Variants in TIAM1 observed in about 807,000 individuals in gnomAD.
TIAM1 encodes TIAM Rac1 associated GEF 1, also known as rho guanine nucleotide exchange factor TIAM1.
A neutral mutation model predicts 163.5 loss-of-function variants in TIAM1; 65 were observed. The observed-to-expected ratio is 0.40, with a 90% CI of 0.33 to 0.49. The LOEUF (loss-of-function observed/expected upper bound fraction) is 0.49, where lower values mean the gene tolerates loss of function less well. Ranked by LOEUF, TIAM1 falls within the 20% of genes least tolerant of loss-of-function variation. TIAM1 has a pLI of 0.77. For missense variants in TIAM1, 1,789 were observed against 2,044.7 expected, an observed-to-expected ratio of 0.87 and a Z score of 2.41; for synonymous variants, 833 against 810.1, an observed-to-expected ratio of 1.03 and a Z score of -0.48.
chr21:31,358,338 C>G (rs1319466027), intron 2 of TIAM1, among the ~76,000 whole-genome samples: 1 of 152,134 alleles, frequency 6.6e-6, no homozygotes, highest in Admixed American at 6.6e-5. Flanking sequence ...ATCTAAATGC[C>G]GTCTTCTTGC....
chr21:31,470,203 C>T (rs2045691832), intron 1 of TIAM1, among the ~76,000 whole-genome samples: 1 of 151,742 alleles, frequency 6.6e-6, no homozygotes, highest in Non-Finnish European at 1.5e-5. Flanking sequence ...CAGGGTTTCA[C>T]CATATTGGCC....
intron 2 of TIAM1, among the ~76,000 whole-genome samples, chr21:31,398,428 A>T (rs1036781352): frequency 6.6e-6 from 1 of 152,216 alleles, no homozygotes; most frequent in Non-Finnish European, 1.5e-5. Flanking sequence ...TTTTTCTTAA[A>T]TAAACCACCA....
chr21:31,251,945 T>C lies in TIAM1; in HGVS notation c.1208A>G (p.Glu403Gly). 1 of 1,613,944 alleles carries C rather than the reference T, an allele frequency of 6.2e-7. No homozygotes were observed. The highest frequency in any genetic ancestry group is 8.5e-7 in the Non-Finnish European group (1 of 1,179,926). The change falls in exon 5 of 28, where the codon GAG becomes GGG. Residue 403 changes from glutamate to glycine, a missense_variant. Physicochemically the swap from Glu to Gly is moderately conservative, Grantham distance 98. Around this residue, in one of 5 missense-constraint regions of TIAM1, gnomAD observed 555 missense variants for 564.9 expected, o/e 0.98. Transcript: ENST00000541036. ...CTCATCGCTGTGCGCCGAGCCGGCC[T>C]CCTCCAGGCTCTCGCTGTTGGTGGT... is the stretch of plus-strand genomic sequence containing the variant. ...MSTTNSESLE[E>G]AGSAHSDEQS... is the part of the protein sequence containing the mutation.
intron 17 of TIAM1, 93 bp from the exon 18 acceptor site, chr21:31,153,227 A>T (rs560429656): frequency 9.9e-7 from 1 of 1,008,804 alleles, no homozygotes; most frequent in African/African-American, 1.7e-5. Context: ...ATGTCTATAA[A>T]AGGATCTAGA....
rs534059505 is a variant in TIAM1 at position 31,143,335 on chromosome 21, C to T, written c.3476-1831G>A. Among the ~76,000 whole-genome samples, 122 of 152,152 alleles carry T rather than the reference C, an allele frequency of 8.0e-4. 1 individual carries two copies. Among genetic ancestry groups the T allele is most frequent in the African/African-American group, 2.8e-3 (116 of 41,474 alleles). On this transcript the variant is annotated intron_variant, in intron 20 of 27. Transcript: ENST00000541036. ...CCCCCACTGGAAATTTAACATGGCA[C>T]TCCAGTGACTCGATACTTTTCATAA...
intron 8 of TIAM1, among the ~76,000 whole-genome samples, chr21:31,219,741 A>T (rs2087440868): frequency 6.6e-6 from 1 of 150,470 alleles, no homozygotes; most frequent in Non-Finnish European, 1.5e-5. Context: ...TAAAAAAACA[A>T]AACAAAACAA....
chr21:31,251,469 T>C (rs1569106746), intron 5 of TIAM1, among the ~76,000 whole-genome samples: 3 of 152,200 alleles, frequency 2.0e-5, no homozygotes, highest in South Asian at 2.1e-4. Context: ...ATTACAGGTG[T>C]GAGCTACTAT....
intron 5 of TIAM1, among the ~76,000 whole-genome samples, chr21:31,251,219 C>G (rs2071787196): frequency 6.6e-6 from 1 of 152,114 alleles, no homozygotes; most frequent in South Asian, 2.1e-4. Context: ...CATGCCAAAA[C>G]TAGACATGAG....
intron 5 of TIAM1, among the ~76,000 whole-genome samples, chr21:31,249,033 A>G (rs1039210225): frequency 7.9e-5 from 12 of 152,344 alleles, no homozygotes; most frequent in Middle Eastern, 3.4e-3. Flanking sequence ...ACTGAGAGTG[A>G]GAATCCCCTG....
Position 31,119,309 on chromosome 21 carries a change from T to C in TIAM1, c.*1059A>G, listed in dbSNP as rs968062601. The C allele has an allele frequency of 6.6e-6, 1 of 152,546 alleles. No individual in the cohort carries two copies. Among genetic ancestry groups the C allele is most frequent in the African/African-American group, 2.4e-5 (1 of 41,422 alleles). The allele number at this position is 152,546 out of a possible 1,614,324, so 9.4% of individuals were successfully genotyped here. ...TGTCAGGGAAGGGGAAGGTAATCTA[T>C]GGATGAAGATGCAATTTTGATGGAA... is the stretch of plus-strand genomic sequence containing the variant. On this transcript the variant is annotated 3_prime_UTR_variant, in exon 28 of 28. Coordinates refer to ENST00000541036, the MANE Select transcript of TIAM1 (RefSeq NM_001353694.2).
At chr21:31,228,778 TAAAGG>T (rs1453270213) in intron 6 of TIAM1, among the ~76,000 whole-genome samples, 14 of 152,168 alleles carry the variant, frequency 9.2e-5, no homozygotes, top group Non-Finnish European at 1.9e-4. Flanking sequence ...GGGTAATTTA[TAAAGG>T]AAAGAAGTTT....
intron 1 of TIAM1, among the ~76,000 whole-genome samples, chr21:31,550,521 G>C (rs910173280): frequency 6.6e-6 from 1 of 151,388 alleles, no homozygotes; most frequent in Non-Finnish European, 1.5e-5. Flanking sequence ...TGGGTACAGG[G>C]TTTCTTTTGG....
At chr21:31,258,611 C>A (rs2072260576) in intron 4 of TIAM1, among the ~76,000 whole-genome samples, 2 of 152,128 alleles carry the variant, frequency 1.3e-5, no homozygotes, top group African/African-American at 4.8e-5. Flanking sequence ...GCGGGTGGAT[C>A]ACGAAGTCAA....
At chr21:31,159,357 C>G (rs1429185633) in intron 16 of TIAM1, among the ~76,000 whole-genome samples, 1 of 152,128 alleles carries the variant, frequency 6.6e-6, no homozygotes, top group Non-Finnish European at 1.5e-5. Context: ...AGGGGGTAGA[C>G]TTTTAAGTAC....
chr21:31,484,460 C>G (rs1602391925), intron 1 of TIAM1, among the ~76,000 whole-genome samples: 1 of 152,346 alleles, frequency 6.6e-6, no homozygotes, highest in East Asian at 1.9e-4. Flanking sequence ...CCCAGCTTGC[C>G]TCTGCCTCCG....
chr21:31,192,694 G>T (rs2249991), intron 13 of TIAM1, among the ~76,000 whole-genome samples: 1 of 151,888 alleles, frequency 6.6e-6, no homozygotes, highest in African/African-American at 2.4e-5. Context: ...TCTTTCCACC[G>T]GGAACTTTGT....
At chr21:31,453,690 G>GTAAATAAATAAA (rs766672469) in intron 2 of TIAM1, among the ~76,000 whole-genome samples, 4 of 11,276 alleles carry the variant, frequency 3.5e-4, no homozygotes, top group African/African-American at 6.2e-4. Context: ...TCCATCTCCA[G>GTAAATAAATAAA]TAAATAAATA....
At chr21:31,407,860 A>G (rs2077275122) in intron 2 of TIAM1, among the ~76,000 whole-genome samples, 1 of 151,694 alleles carries the variant, frequency 6.6e-6, no homozygotes, top group Admixed American at 6.6e-5. Flanking sequence ...CTGGTTTTGA[A>G]CTCCTGACCT....
At chr21:31,340,708 T>A (rs976315534) in intron 1 of TIAM1, among the ~76,000 whole-genome samples, 1 of 151,986 alleles carries the variant, frequency 6.6e-6, no homozygotes, top group African/African-American at 2.4e-5. Context: ...ACACTTTGCC[T>A]TCATAGAAGC....
Sources: allele counts gnomAD v4.1 joint callset (sites outside exome capture counted in the v4.1 genomes callset), GRCh38; gene constraint gnomAD v4.1.1; regional missense constraint gnomAD v4.1.1; transcripts MANE v1.5; gene names NCBI Gene and HGNC (gene_info 2026-07-23, HGNC 2026-07-21).